Variants in SMAD2 observed in about 807,000 individuals in gnomAD.
SMAD2 encodes MAD homolog 2.
In SMAD2, 8 loss-of-function variants were observed where a neutral mutation model predicts 64.4. The ratio of observed to expected loss-of-function variants is 0.12; its 90% CI spans 0.07 to 0.22. The LOEUF is 0.22. Among genes scored for constraint, SMAD2 ranks in the 10% least tolerant of loss-of-function variants. The pLI, the probability that SMAD2 is intolerant of heterozygous loss-of-function variation, is 1.00. For missense variants in SMAD2, 289 were observed against 561.2 expected (o/e 0.51, Z 4.90); for synonymous variants, 203 against 195.8 (o/e 1.04, Z -0.31).
rs1224549562 is a variant in SMAD2, at chr18:47,885,130, TATACAC to T, written c.236+11385_236+11390del. Among the ~76,000 whole-genome samples the T allele has an allele frequency of 4.3e-3, 274 of 64,270 alleles. 1 individual carries two copies. Among genetic ancestry groups the T allele is most frequent in the Middle Eastern group, 0.014 (2 of 138 alleles). 42.2% of individuals were successfully genotyped at this position (64,270 alleles called of 152,430 possible). ...CTTATCGATTTTCTAGATTTAGTCA[TATACAC>T]ACACACACACACACACACACACACA... On this transcript the variant is annotated intron_variant, in intron 2 of 10. Coordinates refer to ENST00000262160, the MANE Select transcript of SMAD2 (RefSeq NM_005901.6).
intron 10 of SMAD2, chr18:47,845,015 C>T: frequency 1.8e-6 from 1 of 548,596 alleles, no homozygotes; most frequent in Non-Finnish European, 3.2e-6. Context: ...AGATCATGTG[C>T]CATCAAGTTT....
intron 8 of SMAD2, among the ~76,000 whole-genome samples, chr18:47,847,792 C>T (rs1001201080): frequency 2.6e-5 from 4 of 150,988 alleles, no homozygotes; most frequent in African/African-American, 9.7e-5. Flanking sequence ...ATCTACATTT[C>T]ATCTCTTGCA....
At chr18:47,923,202 GACA>G (rs2034633897) in intron 1 of SMAD2, among the ~76,000 whole-genome samples, 1 of 142,780 alleles carries the variant, frequency 7.0e-6, no homozygotes, top group African/African-American at 2.6e-5. Flanking sequence ...AAGCACCTAT[GACA>G]ACACTACACA....
rs1913015616 is a variant in SMAD2, at chr18:47,832,016, C to A, written c.*9811G>T. 1 of 152,128 alleles carries A rather than the reference C, an allele frequency of 6.6e-6. No homozygotes were observed. The highest frequency in any genetic ancestry group is 6.5e-5 in the Admixed American group (1 of 15,274). 9.4% of individuals were successfully genotyped at this position (152,128 alleles called of 1,614,324 possible). A position where few individuals can be genotyped will look rare whatever the true frequency, so the allele number is the denominator to read the frequency against. On this transcript the variant is annotated 3_prime_UTR_variant, in exon 11 of 11. Transcript: ENST00000262160. The stretch of plus-strand genomic sequence containing the variant: ...CATTCTTCACCCAAACTTAGACAAA[C>A]CTGGAGCTTAAAATAATTACATTGG...
rs1208559753 is a variant in SMAD2 at position 47,818,272 on chromosome 18, TTTATAAA to T, written c.*23548_*23554del. On this transcript the variant is annotated 3_prime_UTR_variant, in exon 11 of 11. Coordinates refer to ENST00000262160, the MANE Select transcript of SMAD2 (RefSeq NM_005901.6). The stretch of plus-strand genomic sequence containing the variant: ...TCTTAAAGGGCCTTAAATTAATGGC[TTTATAAA>T]TTATAATAGTTCCCTGGCAACCAAC... 1.3e-5 allele frequency: 2 copies of T among 152,228 alleles called. No individual in the cohort carries two copies. The highest frequency in any genetic ancestry group is 2.9e-5 in the Non-Finnish European group (2 of 68,038). 9.4% of individuals were successfully genotyped at this position (152,228 alleles called of 1,614,324 possible). A position where few individuals can be genotyped will look rare whatever the true frequency, so the allele number is the denominator to read the frequency against.
intron 8 of SMAD2, among the ~76,000 whole-genome samples, chr18:47,848,160 T>C (rs1032719262): frequency 2.0e-5 from 3 of 151,772 alleles, no homozygotes; most frequent in Non-Finnish European, 4.4e-5. Flanking sequence ...TATAAAAAAG[T>C]ATTAACCCCC....
intron 6 of SMAD2, among the ~76,000 whole-genome samples, chr18:47,854,772 T>C (rs1192947189): frequency 6.6e-6 from 1 of 152,124 alleles, no homozygotes; most frequent in Admixed American, 6.6e-5. Context: ...AGCTCCCATA[T>C]GACCCCTGCC....
chr18:47,840,438 T>C lies in SMAD2; in HGVS notation c.*1389A>G, dbSNP rs904419206. The C allele has an allele frequency of 1.7e-5, 4 of 232,748 alleles. No individual in the cohort carries two copies. The highest frequency in any genetic ancestry group is 3.4e-5 in the Non-Finnish European group (4 of 117,798). The allele number at this position is 232,748 out of a possible 1,614,324, so 14.4% of individuals were successfully genotyped here. On this transcript the variant is annotated 3_prime_UTR_variant, in exon 11 of 11. Coordinates refer to ENST00000262160, the MANE Select transcript of SMAD2 (RefSeq NM_005901.6). ...TCCTCTCACTACAGAGCATGAAATATTGTCAATCACAAAACCAGGATCAGT... is the reference window on the plus strand; with the variant it reads ...TCCTCTCACTACAGAGCATGAAATACTGTCAATCACAAAACCAGGATCAGT...
chr18:47,904,665 A>C (rs2033832844), intron 1 of SMAD2, among the ~76,000 whole-genome samples: 1 of 152,208 alleles, frequency 6.6e-6, no homozygotes, highest in African/African-American at 2.4e-5. Flanking sequence ...CAGCAACATA[A>C]TAGAAAAGGT....
rs1238019928 is a variant in SMAD2, at chr18:47,826,152, A to C, written c.*15675T>G. ...TGCTTTTGTCTTCCTTATGTATATT[A>C]GATTAGGCTTCTACTCAATGCTCTG... On this transcript the variant is annotated 3_prime_UTR_variant, in exon 11 of 11. Transcript: ENST00000262160. 1 of 152,226 alleles carries C rather than the reference A, an allele frequency of 6.6e-6. No individual in the cohort carries two copies. Among genetic ancestry groups the C allele is most frequent in the Non-Finnish European group, 1.5e-5 (1 of 68,042 alleles). The allele number at this position is 152,226 out of a possible 1,614,324, so 9.4% of individuals were successfully genotyped here. A position where few individuals can be genotyped will look rare whatever the true frequency, so the allele number is the denominator to read the frequency against.
intron 1 of SMAD2, among the ~76,000 whole-genome samples, chr18:47,905,455 A>C (rs2033865765): frequency 6.6e-6 from 1 of 151,990 alleles, no homozygotes; most frequent in Non-Finnish European, 1.5e-5. Flanking sequence ...ATTCATATGG[A>C]AACAAAAAAA....
intron 10 of SMAD2, among the ~76,000 whole-genome samples, chr18:47,844,095 G>GTAA (rs1568033413): frequency 6.6e-6 from 1 of 151,952 alleles, no homozygotes; most frequent in African/African-American, 2.4e-5. Context: ...TCTCAAAAGG[G>GTAA]TAATAATCAA....
At chr18:47,875,680 C>T (rs1172179332) in intron 2 of SMAD2, among the ~76,000 whole-genome samples, 1 of 152,098 alleles carries the variant, frequency 6.6e-6, no homozygotes, top group Non-Finnish European at 1.5e-5. Flanking sequence ...ATTTGTGTAA[C>T]ACTTGAAAAT....
chr18:47,867,834 G>A (rs1457777564), intron 5 of SMAD2, among the ~76,000 whole-genome samples: 1 of 151,954 alleles, frequency 6.6e-6, no homozygotes, highest in Non-Finnish European at 1.5e-5. Context: ...TCTGACGTTC[G>A]TGTTATAATA....
rs1290179068 is a variant in SMAD2 at position 47,930,396 on chromosome 18, C to CG, written c.-90dup. On this transcript the variant is annotated 5_prime_UTR_variant, in exon 1 of 11. Coordinates refer to ENST00000262160, the MANE Select transcript of SMAD2 (RefSeq NM_005901.6). ...GCGCCAGGTCCCGCCCCGTCAGATC[C>CG]GGGGGGTCCGGGACCTTTTGTTCCT... 1 of 152,210 alleles carries CG rather than the reference C, an allele frequency of 6.6e-6. No homozygotes were observed. The highest frequency in any genetic ancestry group is 1.5e-5 in the Non-Finnish European group (1 of 68,106). The allele number at this position is 152,210 out of a possible 1,614,324, so 9.4% of individuals were successfully genotyped here.
rs1912346909 is a variant in SMAD2 at position 47,815,829 on chromosome 18, A to C, written c.*25998T>G. ...TGTTGTCTTAACAGAGGATTTACTG[A>C]GCCCATGTATGCTGTAGGAAAAAGC... On this transcript the variant is annotated 3_prime_UTR_variant, in exon 11 of 11. Coordinates refer to ENST00000262160, the MANE Select transcript of SMAD2 (RefSeq NM_005901.6). 6.6e-6 allele frequency: 1 copy of C among 152,236 alleles called. No homozygotes were observed. The highest frequency in any genetic ancestry group is 2.4e-5 in the African/African-American group (1 of 41,456). The allele number at this position is 152,236 out of a possible 1,614,324, so 9.4% of individuals were successfully genotyped here.
chr18:47,883,490 G>A (rs1022220274), intron 2 of SMAD2, among the ~76,000 whole-genome samples: 5 of 152,084 alleles, frequency 3.3e-5, no homozygotes, highest in Admixed American at 2.0e-4. Context: ...TAAATATCAC[G>A]TAGGTAGTTA....
chr18:47,895,437 T>G (rs913052729), intron 2 of SMAD2: 2 of 152,236 alleles, frequency 1.3e-5, no homozygotes, highest in Non-Finnish European at 2.9e-5. Context: ...CATTACCATA[T>G]CAAATTATAA....
intron 1 of SMAD2, among the ~76,000 whole-genome samples, chr18:47,922,000 G>A (rs1004709691): frequency 2.0e-5 from 3 of 152,170 alleles, no homozygotes; most frequent in African/African-American, 7.2e-5. Flanking sequence ...TGCTAAACTT[G>A]ACAGTTCATC....
Sources: gnomAD v4.1 joint callset for allele counts (sites outside exome capture counted in the v4.1 genomes callset) on GRCh38, gnomAD v4.1.1 for gene constraint, MANE v1.5 for transcripts, NCBI Gene and HGNC (gene_info 2026-07-23, HGNC 2026-07-21) for gene names.